ITPR1: variants seen among roughly 807,000 people sequenced by gnomAD.
ITPR1 encodes the protein inositol 1,4,5-trisphosphate receptor type 1.
A neutral mutation model predicts 318.4 loss-of-function variants in ITPR1; 96 were observed. The ratio of observed to expected loss-of-function variants is 0.30; its 90% CI spans 0.26 to 0.36. The LOEUF is 0.36. Among genes scored for constraint, ITPR1 ranks in the 10% least tolerant of loss-of-function variants. The pLI, the probability that ITPR1 is intolerant of heterozygous loss-of-function variation, is 1.00. For missense variants in ITPR1, 2,440 were observed against 3,460.2 expected, an observed-to-expected ratio of 0.71 and a Z score of 7.40; for synonymous variants, 1,312 against 1,289.9, an observed-to-expected ratio of 1.02 and a Z score of -0.37.
chr3:4,555,803 C>G (rs1306163375), intron 4 of ITPR1, among the ~76,000 whole-genome samples: 1 of 152,160 alleles, frequency 6.6e-6, no homozygotes, highest in Non-Finnish European at 1.5e-5. Context: ...CCTTGCTATT[C>G]TAAATGCTGT....
intron 4 of ITPR1, among the ~76,000 whole-genome samples, chr3:4,543,185 G>A (rs1048184031): frequency 7.2e-5 from 11 of 151,896 alleles, no homozygotes; most frequent in African/African-American, 2.7e-4. Flanking sequence ...TGGGAGGATT[G>A]CTTGACCCCA....
rs375401519 is a variant in ITPR1, at chr3:4,633,126, C to T, written c.279+5248C>T. On this transcript the variant is annotated intron_variant, in intron 5 of 61. Transcript: ENST00000649015. ...GCTAATTGTTTGTATTTAGTAGAGA[C>T]GAGGTTTCACCATTTTGGCCAGGAT... 3.4e-3 allele frequency among the ~76,000 whole-genome samples: 515 copies of T among 151,962 alleles called. 3 individuals carry two copies. The highest frequency in any genetic ancestry group is 6.8e-3 in the Middle Eastern group (2 of 292).
chr3:4,662,491 G>A (rs2125192514), intron 15 of ITPR1, among the ~76,000 whole-genome samples: 1 of 152,306 alleles, frequency 6.6e-6, no homozygotes, highest in African/African-American at 2.4e-5. Flanking sequence ...GGGAGGCTGA[G>A]GTGGGTGGAT....
At chr3:4,830,564 C>T (rs1182552841) in intron 60 of ITPR1, among the ~76,000 whole-genome samples, 1 of 152,134 alleles carries the variant, frequency 6.6e-6, no homozygotes, top group African/African-American at 2.4e-5. Context: ...CTCCTCCTGA[C>T]ATTTTCTGAG....
chr3:4,563,436 G>A (rs934100181), intron 4 of ITPR1, among the ~76,000 whole-genome samples: 1 of 152,144 alleles, frequency 6.6e-6, no homozygotes, highest in Non-Finnish European at 1.5e-5. Context: ...TTGAGCCTGG[G>A]AGATCGAGGC....
intron 36 of ITPR1, among the ~76,000 whole-genome samples, chr3:4,705,065 G>GAAA (rs2094728987): frequency 1.3e-5 from 2 of 151,900 alleles, no homozygotes; most frequent in African/African-American, 4.8e-5. Context: ...TTAAATAATT[G>GAAA]CTTCTCAGAT....
chr3:4,795,510 A>C (rs186434783), intron 53 of ITPR1, among the ~76,000 whole-genome samples: 5 of 152,372 alleles, frequency 3.3e-5, no homozygotes, highest in African/African-American at 1.2e-4. Context: ...AATCAGGCCA[A>C]AGTCACATAG....
At chr3:4,722,094 G>T (rs2042205159) in intron 40 of ITPR1, among the ~76,000 whole-genome samples, 1 of 152,176 alleles carries the variant, frequency 6.6e-6, no homozygotes, top group South Asian at 2.1e-4. Flanking sequence ...GCCTCATCCA[G>T]GAAGGACACT....
rs1272116486 is a variant in ITPR1 at position 4,710,327 on chromosome 3, C to T, written c.4845C>T (p.Asp1615=). The T allele has an allele frequency of 5.8e-6, 9 of 1,550,376 alleles. No homozygotes were observed. The highest frequency in any genetic ancestry group is 1.4e-5 in the African/African-American group (1 of 73,618). The change falls in exon 38 of 62, where the codon GAC becomes GAT. Residue 1615 remains aspartate (D), a splice_region_variant and synonymous_variant. Coordinates refer to ENST00000649015, the MANE Select transcript of ITPR1 (RefSeq NM_001378452.1). The surrounding 1 kb of genome is among the most constrained non-coding windows in gnomAD (Gnocchi z 4.2). ...DYRNIIERLQ[D]IVSALEDRLR... is the part of the protein sequence containing the mutation. ...CTGAGGCTGTGTTTCCGTTTTAGGA[C>T]ATCGTCTCCGCGCTGGAGGACCGTC...
At chr3:4,751,220 A>G (rs2044489198) in intron 44 of ITPR1, 1 of 152,606 alleles carries the variant, frequency 6.6e-6, no homozygotes, top group African/African-American at 2.4e-5. Context: ...CCCCACAATC[A>G]TAATTCCTGG....
At chr3:4,805,980 TG>T in intron 54 of ITPR1, 122 bp from the exon 55 acceptor site, 1 of 781,760 alleles carries the variant, frequency 1.3e-6, no homozygotes, top group Non-Finnish European at 2.0e-6. Context: ...GGGCACCGGG[TG>T]GAAAAGGAAG....
rs775218272 is a variant in ITPR1, at chr3:4,516,591, C to G, written c.92+8C>G. On this transcript the variant is annotated splice_region_variant and intron_variant, in intron 3 of 61. Coordinates refer to ENST00000649015, the MANE Select transcript of ITPR1 (RefSeq NM_001378452.1). ...ATTTATTAGCACCTTGGGGTAAGAG[C>G]ATGCAATTTCTTGTGTGGCACGGTT... 1.9e-6 allele frequency: 3 copies of G among 1,553,832 alleles called. No individual in the cohort carries two copies. The highest frequency in any genetic ancestry group is 2.7e-6 in the Non-Finnish European group (3 of 1,131,560).
chr3:4,602,355 G>A (rs1275740282), intron 4 of ITPR1, among the ~76,000 whole-genome samples: 1 of 151,760 alleles, frequency 6.6e-6, no homozygotes, highest in Non-Finnish European at 1.5e-5. Flanking sequence ...CCCTGTCTCT[G>A]CTAACAACAA....
Position 4,663,196 on chromosome 3 carries a change from T to C in ITPR1, c.1544T>C (p.Ile515Thr). 6.2e-7 allele frequency: 1 copy of C among 1,612,058 alleles called. No homozygotes were observed. The highest frequency in any genetic ancestry group is 8.5e-7 in the Non-Finnish European group (1 of 1,178,712). ...CAGAAACTGATGAGAGAACAGAATA[T>C]TCTCAAGCAGGTCGGTGAGATGTGG... Reference protein sequence around the residue: ...ERQKLMREQNILKQIFKLLQA... With the variant: ...ERQKLMREQNTLKQIFKLLQA... Residue 515 changes from isoleucine (I) to threonine (T), a missense_variant, in exon 16 of 62, where the codon ATT becomes ACT. Ile to Thr is a moderately conservative substitution (Grantham distance 89, BLOSUM62 -1). Coordinates refer to ENST00000649015, the MANE Select transcript of ITPR1 (RefSeq NM_001378452.1).
intron 39 of ITPR1, 47 bp downstream of exon 39, chr3:4,711,915 T>C (rs1479606009): frequency 6.0e-6 from 6 of 1,005,390 alleles, no homozygotes; most frequent in Non-Finnish European, 8.7e-6. Flanking sequence ...ACTATGAAAC[T>C]GAAGGGAGGG....
At chr3:4,561,705 G>C (rs1485454003) in intron 4 of ITPR1, among the ~76,000 whole-genome samples, 1 of 151,810 alleles carries the variant, frequency 6.6e-6, no homozygotes, top group Non-Finnish European at 1.5e-5. Flanking sequence ...TCGTAGCATT[G>C]GTTTGTAATA....
rs139714747 is a variant in ITPR1 at position 4,783,608 on chromosome 3, C to T, written c.6511-208C>T. 4.0e-4 allele frequency among the ~76,000 whole-genome samples: 61 copies of T among 152,328 alleles called. 1 individual carries two copies. The East Asian group carries it at 8.5e-3, about 21-fold the overall frequency. ...GGGAAAGTGGAACCATGTGTGGGCA[C>T]GAGCTTTCCATGCTTTTCTACCAAG... On this transcript the variant is annotated intron_variant, in intron 50 of 61. Transcript: ENST00000649015.
chr3:4,523,838 T>A (rs1424672661), intron 4 of ITPR1, among the ~76,000 whole-genome samples: 1 of 152,196 alleles, frequency 6.6e-6, no homozygotes, highest in Non-Finnish European at 1.5e-5. Flanking sequence ...CTGGCACGAC[T>A]GTAAAGGTGC....
In ITPR1 at chr3:4,652,197, G is replaced by T. The variant is rs28565126; in HGVS notation, c.930G>T (p.Thr310=). Residue 310 remains threonine (T), a synonymous_variant, in exon 11 of 62, where the codon ACG becomes ACT. Coordinates refer to ENST00000649015, the MANE Select transcript of ITPR1 (RefSeq NM_001378452.1). ...TTTTCCGTTTCAAGCATCTGGCCAC[G>T]GGGCATTACTTGGCAGCAGAGGTAA... The part of the protein sequence containing the change: ...NSLFRFKHLA[T]GHYLAAEVDP... The T allele has an allele frequency of 1.9e-6, 3 of 1,612,204 alleles. No homozygotes were observed. The highest frequency in any genetic ancestry group is 1.7e-6 in the Non-Finnish European group (2 of 1,179,212).
Sources: gnomAD v4.1 joint callset for allele counts (sites outside exome capture counted in the v4.1 genomes callset) on GRCh38, gnomAD v4.1.1 for gene constraint, Gnocchi (gnomAD v3.1) non-coding constraint, MANE v1.5 for transcripts, NCBI Gene and HGNC (gene_info 2026-07-23, HGNC 2026-07-21) for gene names.